SCFD2: variants seen among roughly 807,000 people sequenced by gnomAD.
The protein encoded by SCFD2 is sec1 family domain containing 2, also known as sec1 family domain-containing protein 2.
SCFD2 carries 54 observed loss-of-function variants against 58.9 expected under a neutral mutation model. The ratio of observed to expected loss-of-function variants is 0.92; its 90% CI spans 0.74 to 1.15. The LOEUF is 1.15. SCFD2 is among the 50% of genes most tolerant of loss of function. The pLI is 0.00. For synonymous variants in SCFD2, 321 were observed against 335.9 expected (o/e 0.96, Z 0.49); for missense variants, 805 against 836.6 (o/e 0.96, Z 0.47).
At chr4:52,973,337 A>G (rs1477188627) in intron 5 of SCFD2, among the ~76,000 whole-genome samples, 1 of 152,258 alleles carries the variant, frequency 6.6e-6, no homozygotes, top group Non-Finnish European at 1.5e-5. Context: ...TAAAGGGGAT[A>G]TCACTACCGA....
chr4:53,331,107 T>A (rs1486228085), intron 2 of SCFD2, among the ~76,000 whole-genome samples: 1 of 145,686 alleles, frequency 6.9e-6, no homozygotes, highest in African/African-American at 2.6e-5. Flanking sequence ...AAGTCCTGAG[T>A]GACCTACAAA....
chr4:53,062,363 G>A (rs774420401), intron 5 of SCFD2, among the ~76,000 whole-genome samples: 35 of 149,370 alleles, frequency 2.3e-4, no homozygotes, highest in African/African-American at 7.9e-4. Context: ...CAGAGACTCC[G>A]TCTCAAAGAA....
chr4:52,945,411 T>C (rs913718384), intron 5 of SCFD2, among the ~76,000 whole-genome samples: 2 of 152,202 alleles, frequency 1.3e-5, no homozygotes, highest in African/African-American at 2.4e-5. Flanking sequence ...CTTAAGATTT[T>C]CTCTCCCCAA....
chr4:53,351,111 A>G (rs1734206898), intron 2 of SCFD2, among the ~76,000 whole-genome samples: 1 of 152,224 alleles, frequency 6.6e-6, no homozygotes, highest in Non-Finnish European at 1.5e-5. Flanking sequence ...ATAGGGGAAT[A>G]ACAACATCTA....
intron 2 of SCFD2, among the ~76,000 whole-genome samples, chr4:53,328,468 G>A (rs557325983): frequency 6.6e-6 from 1 of 152,034 alleles, no homozygotes; most frequent in Admixed American, 6.6e-5. Context: ...CAGAAGTCAG[G>A]GGATCTCATT....
intron 5 of SCFD2, chr4:52,948,245 C>A: frequency 3.8e-6 from 1 of 265,636 alleles, no homozygotes; most frequent in East Asian, 9.0e-5. Flanking sequence ...TTTCTCTTCC[C>A]TCTTTTGTCC....
At chr4:53,226,714 G>T (rs1172101440) in intron 4 of SCFD2, among the ~76,000 whole-genome samples, 2 of 152,056 alleles carry the variant, frequency 1.3e-5, no homozygotes, top group Non-Finnish European at 2.9e-5. Context: ...TTAAATTAGG[G>T]TGATCAGTGC....
intron 5 of SCFD2, among the ~76,000 whole-genome samples, chr4:53,118,375 C>T (rs1191821010): frequency 6.6e-6 from 1 of 152,168 alleles, no homozygotes; most frequent in Non-Finnish European, 1.5e-5. Flanking sequence ...TGCATTTCTC[C>T]GTCTTTGAGT....
intron 3 of SCFD2, among the ~76,000 whole-genome samples, chr4:53,291,803 T>A (rs927480266): frequency 3.3e-5 from 5 of 151,760 alleles, no homozygotes; most frequent in African/African-American, 1.2e-4. Flanking sequence ...TAGAAAAGAA[T>A]AGAGAACTCA....
At chr4:52,911,811 A>C (rs1719492575) in intron 6 of SCFD2, among the ~76,000 whole-genome samples, 1 of 152,190 alleles carries the variant, frequency 6.6e-6, no homozygotes, top group Admixed American at 6.5e-5. Flanking sequence ...CAGTTCTGTG[A>C]TGCTGGGCTG....
rs558536966 is a variant in SCFD2, at chr4:53,039,154, C to T, written c.1561+106179G>A. ...TCTTCTGGGCTTTCACTTTCCATTT[C>T]ATCAAAGAGAAAAAGAGATTCAGTC... On this transcript the variant is annotated intron_variant, in intron 5 of 8. Transcript: ENST00000401642. 9.2e-5 allele frequency among the ~76,000 whole-genome samples: 14 copies of T among 152,284 alleles called. 1 individual carries two copies. In the South Asian group the frequency reaches 2.9e-3, roughly 32 times the overall value.
chr4:53,110,714 T>A (rs1008884178), intron 5 of SCFD2, among the ~76,000 whole-genome samples: 1 of 152,118 alleles, frequency 6.6e-6, no homozygotes, highest in Admixed American at 6.6e-5. Context: ...TGTGGAGAAA[T>A]AGGAACACTT....
chr4:53,080,464 C>T (rs1238961804), intron 5 of SCFD2, among the ~76,000 whole-genome samples: 15 of 152,004 alleles, frequency 9.9e-5, no homozygotes. Context: ...AGACCTTATG[C>T]TAAAAGTTTG....
intron 4 of SCFD2, among the ~76,000 whole-genome samples, chr4:53,150,691 C>T (rs757483293): frequency 6.6e-5 from 10 of 152,176 alleles, no homozygotes; most frequent in Non-Finnish European, 1.0e-4. Flanking sequence ...TTTACCTTCT[C>T]CAAGTCTCAA....
At chr4:52,988,679 T>A (rs1201099649) in intron 5 of SCFD2, among the ~76,000 whole-genome samples, 4 of 152,172 alleles carry the variant, frequency 2.6e-5, no homozygotes. Flanking sequence ...TAATAGTACT[T>A]CATGAGGCTG....
chr4:53,357,747 C>G (rs1314802025), intron 1 of SCFD2, among the ~76,000 whole-genome samples: 1 of 152,174 alleles, frequency 6.6e-6, no homozygotes, highest in African/African-American at 2.4e-5. Context: ...AAAAATCAGA[C>G]ACTTTTCTGA....
chr4:53,275,834 T>A (rs150238170), intron 3 of SCFD2, among the ~76,000 whole-genome samples: 34 of 152,334 alleles, frequency 2.2e-4, no homozygotes, highest in African/African-American at 5.5e-4. Context: ...CTGAGATTCA[T>A]CCACGTTGCT....
chr4:53,190,669 G>C (rs1230621724), intron 4 of SCFD2, among the ~76,000 whole-genome samples: 1 of 152,148 alleles, frequency 6.6e-6, no homozygotes, highest in Non-Finnish European at 1.5e-5. Context: ...CTCCATGAAG[G>C]CAGAGATTTC....
chr4:52,973,281 T>C (rs1002715821), intron 5 of SCFD2, among the ~76,000 whole-genome samples: 1 of 151,538 alleles, frequency 6.6e-6, no homozygotes, highest in Non-Finnish European at 1.5e-5. Flanking sequence ...GCAATACTAA[T>C]AAAGAAGAAA....
Sources: allele counts gnomAD v4.1 joint callset (sites outside exome capture counted in the v4.1 genomes callset), GRCh38; gene constraint gnomAD v4.1.1; transcripts MANE v1.5; gene names NCBI Gene and HGNC (gene_info 2026-07-23, HGNC 2026-07-21).